KMT5A: variants seen among roughly 807,000 people sequenced by gnomAD.
KMT5A encodes N-lysine methyltransferase KMT5A.
A neutral mutation model predicts 40.6 loss-of-function variants in KMT5A; 6 were observed. The ratio of observed to expected loss-of-function variants is 0.15; its 90% CI spans 0.08 to 0.29. KMT5A has a LOEUF of 0.29. KMT5A is among the 10% of genes least tolerant of loss of function. The pLI is 1.00. For missense variants in KMT5A, 308 were observed against 459.1 expected (o/e 0.67, Z 3.01); for synonymous variants, 153 against 178.8 (o/e 0.86, Z 1.15).
Position 123,395,040 on chromosome 12 carries a change from C to T in KMT5A, c.290-7C>T. On this transcript the variant is annotated splice_region_variant and splice_polypyrimidine_tract_variant and intron_variant, in intron 3 of 7. Coordinates refer to ENST00000402868, the MANE Select transcript of KMT5A (RefSeq NM_020382.7). The stretch of plus-strand genomic sequence containing the variant: ...TAAACCCGTCTTTCCCCCACCTCCG[C>T]CTGCAGAGAAAAGAAATGCTGGGAA... 1.3e-6 allele frequency: 2 copies of T among 1,558,338 alleles called. No individual in the cohort carries two copies. Among genetic ancestry groups the T allele is most frequent in the South Asian group, 1.2e-5 (1 of 84,654 alleles).
intron 3 of KMT5A, among the ~76,000 whole-genome samples, chr12:123,393,999 A>G (rs1323025236): frequency 6.6e-6 from 1 of 151,730 alleles, no homozygotes; most frequent in African/African-American, 2.4e-5. Flanking sequence ...GCTGGGTCAT[A>G]TGGTAACTCT....
chr12:123,385,521 C>G (rs935606158), intron 1 of KMT5A, among the ~76,000 whole-genome samples: 11 of 152,040 alleles, frequency 7.2e-5, no homozygotes, highest in Non-Finnish European at 1.3e-4. Flanking sequence ...ATGAAGAAAA[C>G]TAACCATCTA....
At chr12:123,397,963 G>A (rs542215825) in intron 5 of KMT5A, among the ~76,000 whole-genome samples, 5 of 149,538 alleles carry the variant, frequency 3.3e-5, no homozygotes, top group Admixed American at 1.3e-4. Flanking sequence ...GTGAGCCACC[G>A]TGCTCGGCCT....
At position 123,384,342 on chromosome 12, in the gene KMT5A, G is replaced by T; in HGVS notation, c.10+134G>T. ...GGGGCAAGCTTGGGGACCCGCGTGG[G>T]GGGAGAGGGGGTGCTGCTGCGGAAC... is the stretch of plus-strand genomic sequence containing the variant. On this transcript the variant is annotated intron_variant, in intron 1 of 7. Coordinates refer to ENST00000402868, the MANE Select transcript of KMT5A (RefSeq NM_020382.7). The surrounding 1 kb of genome is among the most constrained non-coding windows in gnomAD (Gnocchi z 5.7). 1 of 1,238,576 alleles carries T rather than the reference G, an allele frequency of 8.1e-7. No homozygotes were observed. Among genetic ancestry groups the T allele is most frequent in the South Asian group, 1.3e-5 (1 of 75,168 alleles). 76.7% of individuals were successfully genotyped at this position (1,238,576 alleles called of 1,614,324 possible).
At chr12:123,389,623 C>A (rs986605291) in intron 2 of KMT5A, 69 bp downstream of exon 2, 41 of 1,024,986 alleles carry the variant, frequency 4.0e-5, no homozygotes, top group Non-Finnish European at 4.8e-5. Flanking sequence ...ACATGGGCGA[C>A]CCCGGGTACC....
chr12:123,396,139 C>T (rs1877703495), intron 4 of KMT5A, among the ~76,000 whole-genome samples: 1 of 152,192 alleles, frequency 6.6e-6, no homozygotes. Flanking sequence ...AGGCACTGCG[C>T]CCAGCCAGCA....
intron 1 of KMT5A, among the ~76,000 whole-genome samples, chr12:123,388,142 G>A (rs929219210): frequency 3.9e-5 from 6 of 152,218 alleles, no homozygotes; most frequent in Admixed American, 6.5e-5. Context: ...CGGCGGGATA[G>A]GAGAACAAGG....
chr12:123,388,499 C>G (rs1877003245), intron 1 of KMT5A: 1 of 152,248 alleles, frequency 6.6e-6, no homozygotes, highest in Admixed American at 6.5e-5. Context: ...CCATCACTTC[C>G]TAGTTCTGTG....
chr12:123,401,144 C>T (rs1351637442), intron 5 of KMT5A, among the ~76,000 whole-genome samples: 10 of 75,656 alleles, frequency 1.3e-4, no homozygotes, highest in South Asian at 5.2e-4. Context: ...ATATATCTTT[C>T]TTTTTTTTTT....
chr12:123,391,725 A>G (rs1014952480), intron 3 of KMT5A, among the ~76,000 whole-genome samples: 9 of 152,214 alleles, frequency 5.9e-5, no homozygotes, highest in Admixed American at 1.3e-4. Flanking sequence ...CCAATTCACC[A>G]TGCTCTCTTC....
In KMT5A at chr12:123,403,421, A is replaced by G. The variant is rs1053429537; in HGVS notation, c.598-152A>G. 8.6e-6 allele frequency: 6 copies of G among 696,146 alleles called. No individual in the cohort carries two copies. In the African/African-American group the frequency reaches 9.0e-5, roughly 10 times the overall value. The allele number at this position is 696,146 out of a possible 1,614,324, so 43.1% of individuals were successfully genotyped here. A position where few individuals can be genotyped will look rare whatever the true frequency, so the allele number is the denominator to read the frequency against. On this transcript the variant is annotated intron_variant, in intron 5 of 7. Transcript: ENST00000402868. ...AGGAGGGATACTTGGGGGCTTTGCCATCACTGGGGACCCATCATCCCCAGT... is the reference window on the plus strand; with the variant it reads ...AGGAGGGATACTTGGGGGCTTTGCCGTCACTGGGGACCCATCATCCCCAGT...
At chr12:123,388,227 A>G (rs1415497617) in intron 1 of KMT5A, among the ~76,000 whole-genome samples, 2 of 152,214 alleles carry the variant, frequency 1.3e-5, no homozygotes. Flanking sequence ...CAGGAAGGGT[A>G]GTGGCTGGGA....
rs1407890014 is a variant in KMT5A at position 123,409,129 on chromosome 12, G to A, written c.*1426G>A. On this transcript the variant is annotated 3_prime_UTR_variant, in exon 8 of 8. Transcript: ENST00000402868. Reference sequence around the variant, plus strand: ...TTTGATTCCCCCCCAACCCCACCTCGGGCCTCACGACGGTGCTACCTAAGA... The same window carrying A: ...TTTGATTCCCCCCCAACCCCACCTCAGGCCTCACGACGGTGCTACCTAAGA... 2 of 151,818 alleles carry A rather than the reference G, an allele frequency of 1.3e-5. No individual in the cohort carries two copies. Among genetic ancestry groups the A allele is most frequent in the South Asian group, 2.1e-4 (1 of 4,792 alleles). 9.4% of individuals were successfully genotyped at this position (151,818 alleles called of 1,614,324 possible).
intron 7 of KMT5A, among the ~76,000 whole-genome samples, chr12:123,406,506 G>A (rs765922422): frequency 8.6e-5 from 13 of 151,962 alleles, no homozygotes; most frequent in Non-Finnish European, 1.8e-4. Flanking sequence ...CACAGACAGC[G>A]TTTCACCATG....
chr12:123,400,788 TTACTGTTGGTTGAAG>T (rs1454831526), intron 5 of KMT5A, among the ~76,000 whole-genome samples: 11 of 152,170 alleles, frequency 7.2e-5, no homozygotes, highest in Admixed American at 4.6e-4. Flanking sequence ...CATTGGTATA[TTACTGTTGGTTGAAG>T]TTTTTTTTTT....
In KMT5A at chr12:123,395,185, C is replaced by T. The variant is rs1298609620; in HGVS notation, c.428C>T (p.Ser143Leu). 2.5e-6 allele frequency: 4 copies of T among 1,613,198 alleles called. No homozygotes were observed. The highest frequency in any genetic ancestry group is 2.5e-6 in the Non-Finnish European group (3 of 1,179,702). Residue 143 changes from serine to leucine, a missense_variant, in exon 4 of 8, where the codon TCA becomes TTA. Around this residue, in one of 4 missense-constraint regions of KMT5A, gnomAD observed 127 missense variants for 129.8 expected, o/e 0.98. Coordinates refer to ENST00000402868, the MANE Select transcript of KMT5A (RefSeq NM_020382.7). Reference sequence around the variant, plus strand: ...GCAGAACCTCCAAAAACTCCACCCTCATCTTGTGATTCCACCAATGCAGCC... The same window carrying T: ...GCAGAACCTCCAAAAACTCCACCCTTATCTTGTGATTCCACCAATGCAGCC... Reference protein sequence around the residue: ...EAAEPPKTPPSSCDSTNAAIA... With the variant: ...EAAEPPKTPPLSCDSTNAAIA...
At chr12:123,401,144 CTTTTTTT>C (rs58431238) in intron 5 of KMT5A, among the ~76,000 whole-genome samples, 2 of 75,678 alleles carry the variant, frequency 2.6e-5, no homozygotes, top group South Asian at 5.2e-4. Context: ...ATATATCTTT[CTTTTTTT>C]TTTTTTTTTT....
At chr12:123,402,399 C>T (rs551038478) in intron 5 of KMT5A, among the ~76,000 whole-genome samples, 1 of 152,352 alleles carries the variant, frequency 6.6e-6, no homozygotes, top group South Asian at 2.1e-4. Context: ...GCACAGACTG[C>T]AGCGCCTGGC....
chr12:123,396,532 T>C (rs1269119769), intron 5 of KMT5A, 100 bp downstream of exon 5: 48 of 1,129,746 alleles, frequency 4.2e-5, no homozygotes, highest in Non-Finnish European at 6.2e-5. Context: ...CTTGTTTTCG[T>C]CATCTTGGAG....
Sources: gnomAD v4.1 joint callset for allele counts (sites outside exome capture counted in the v4.1 genomes callset) on GRCh38, gnomAD v4.1.1 for gene constraint, gnomAD v4.1.1 regional missense constraint, Gnocchi (gnomAD v3.1) non-coding constraint, MANE v1.5 for transcripts, NCBI Gene and HGNC (gene_info 2026-07-23, HGNC 2026-07-21) for gene names.